Variants in HCRTR2 observed in about 807,000 individuals in gnomAD.
The protein encoded by HCRTR2 is hypocretin receptor 2.
HCRTR2 carries 22 observed loss-of-function variants against 49.0 expected under a neutral mutation model. The ratio of observed to expected loss-of-function variants is 0.45; its 90% CI spans 0.32 to 0.64. HCRTR2 has a LOEUF of 0.64. Ranked by LOEUF, HCRTR2 falls within the 30% of genes least tolerant of loss-of-function variation. The pLI, the probability that HCRTR2 is intolerant of heterozygous loss-of-function variation, is 0.04. For missense variants in HCRTR2, 491 were observed against 559.4 expected, an observed-to-expected ratio of 0.88 and a Z score of 1.23; for synonymous variants, 236 against 205.3, an observed-to-expected ratio of 1.15 and a Z score of -1.28.
chr6:55,187,810 T>G (rs1765248564), intron 1 of HCRTR2, among the ~76,000 whole-genome samples: 4 of 151,636 alleles, frequency 2.6e-5, no homozygotes, highest in African/African-American at 9.7e-5. Context: ...GAGTAAATGC[T>G]CTGTCTCCCA....
At chr6:55,217,437 C>T (rs1765808385) in intron 1 of HCRTR2, among the ~76,000 whole-genome samples, 1 of 152,036 alleles carries the variant, frequency 6.6e-6, no homozygotes, top group African/African-American at 2.4e-5. Context: ...ACCACACAGC[C>T]AAAAGTAGCC....
At chr6:55,122,169 A>G (rs997530775) in intron 1 of HCRTR2, among the ~76,000 whole-genome samples, 4 of 152,076 alleles carry the variant, frequency 2.6e-5, no homozygotes, top group East Asian at 1.9e-4. Flanking sequence ...CAGAGATTCA[A>G]CTTCTTCCTG....
chr6:55,132,134 T>C (rs1203468541), intron 1 of HCRTR2, among the ~76,000 whole-genome samples: 3 of 151,912 alleles, frequency 2.0e-5, no homozygotes, highest in Non-Finnish European at 4.4e-5. Flanking sequence ...TTTTATATTT[T>C]TGAATAAACA....
At chr6:55,231,055 A>G (rs1181771001) in intron 1 of HCRTR2, among the ~76,000 whole-genome samples, 1 of 152,164 alleles carries the variant, frequency 6.6e-6, no homozygotes, top group Non-Finnish European at 1.5e-5. Flanking sequence ...TCATTCAGAA[A>G]TATGGTTTAG....
At chr6:55,169,959 A>G (rs900754772), upstream of HCRTR2, among the ~76,000 whole-genome samples, 1 of 152,138 alleles carries the variant, frequency 6.6e-6, no homozygotes, top group African/African-American at 2.4e-5. Context: ...TTACACCTGC[A>G]AAAAAGATGA....
intron 1 of HCRTR2, among the ~76,000 whole-genome samples, chr6:55,158,490 G>A (rs6927515): frequency 0.44 from 66,433 of 151,936 alleles, 15,382 homozygotes; most frequent in East Asian, 0.78. Flanking sequence ...GCTGAAGCCA[G>A]GGAACCCAGT....
Position 55,263,829 on chromosome 6 carries a change from A to G in HCRTR2, c.762+7A>G, listed in dbSNP as rs1049445978. The G allele has an allele frequency of 1.3e-6, 2 of 1,517,792 alleles. No homozygotes were observed. Among genetic ancestry groups the G allele is most frequent in the Non-Finnish European group, 1.8e-6 (2 of 1,092,916 alleles). The allele number at this position is 1,517,792 out of a possible 1,614,324, so 94.0% of individuals were successfully genotyped here. A position where few individuals can be genotyped will look rare whatever the true frequency, so the allele number is the denominator to read the frequency against. On this transcript the variant is annotated splice_region_variant and intron_variant, in intron 4 of 6. Coordinates refer to ENST00000370862, the MANE Select transcript of HCRTR2 (RefSeq NM_001384272.1). The stretch of plus-strand genomic sequence containing the variant: ...CAAACTCTGGTGTCGACAGGTATAT[A>G]GTTTCAAATATTTTGCGTGCATTAT...
intron 4 of HCRTR2, among the ~76,000 whole-genome samples, chr6:55,273,242 T>G (rs1012919539): frequency 6.6e-6 from 1 of 151,700 alleles, no homozygotes; most frequent in Non-Finnish European, 1.5e-5. Context: ...AACAGGGAAA[T>G]GTAAGGGGAT....
intron 1 of HCRTR2, among the ~76,000 whole-genome samples, chr6:55,225,638 T>C (rs750200177): frequency 1.1e-4 from 16 of 152,220 alleles, no homozygotes; most frequent in Non-Finnish European, 1.9e-4. Context: ...ATCAAGTACC[T>C]GGTAATGCTA....
chr6:55,282,434 G>A lies in HCRTR2; in HGVS notation c.1315G>A (p.Gly439Arg). The A allele has an allele frequency of 1.3e-6, 2 of 1,592,954 alleles. No individual in the cohort carries two copies. The highest frequency in any genetic ancestry group is 1.7e-6 in the Non-Finnish European group (2 of 1,161,222). The change falls in exon 7 of 7, where the codon GGA (glycine) becomes AGA (arginine). Residue 439 changes from glycine to arginine, a missense_variant. Transcript: ENST00000370862. ...ISTLPAANGA[G>R]PLQNW is the part of the protein sequence containing the mutation. Reference sequence around the variant, plus strand: ...CACACTCCCAGCAGCCAATGGAGCAGGACCACTTCAAAACTGGTAGAATAT... The same window carrying A: ...CACACTCCCAGCAGCCAATGGAGCAAGACCACTTCAAAACTGGTAGAATAT...
intron 1 of HCRTR2, among the ~76,000 whole-genome samples, chr6:55,163,278 T>C (rs1764832397): frequency 6.6e-6 from 1 of 151,700 alleles, no homozygotes; most frequent in Non-Finnish European, 1.5e-5. Flanking sequence ...AAAACTACCT[T>C]AAATTTCTTA....
intron 1 of HCRTR2, among the ~76,000 whole-genome samples, chr6:55,215,995 A>T (rs1398678668): frequency 6.6e-6 from 1 of 152,202 alleles, no homozygotes; most frequent in African/African-American, 2.4e-5. Flanking sequence ...TTGCATCATA[A>T]CATGGCAGAA....
In HCRTR2 at chr6:55,282,561, A is replaced by AT; in HGVS notation, c.*108dup. On this transcript the variant is annotated 3_prime_UTR_variant, in exon 7 of 7. Transcript: ENST00000370862. ...GATGTGAAGCTAAAATTACTTGTGG[A>AT]TCTTTTTTTTTTTTAATCTATTGCT... 1.5e-6 allele frequency: 1 copy of AT among 682,558 alleles called. No homozygotes were observed. The highest frequency in any genetic ancestry group is 1.7e-5 in the South Asian group (1 of 59,240). The allele number at this position is 682,558 out of a possible 1,614,324, so 42.3% of individuals were successfully genotyped here.
chr6:55,144,267 C>A (rs1023755576), intron 1 of HCRTR2, among the ~76,000 whole-genome samples: 9 of 151,986 alleles, frequency 5.9e-5, no homozygotes, highest in Non-Finnish European at 1.2e-4. Context: ...CATGCGCCAC[C>A]ACGTCTGGCT....
intron 1 of HCRTR2, among the ~76,000 whole-genome samples, chr6:55,124,139 T>C (rs1764241652): frequency 6.6e-6 from 1 of 152,190 alleles, no homozygotes; most frequent in South Asian, 2.1e-4. Flanking sequence ...ATCTTAGTTA[T>C]TTCTTGTCTT....
chr6:55,268,308 A>AT (rs1766900395), intron 4 of HCRTR2, among the ~76,000 whole-genome samples: 1 of 152,260 alleles, frequency 6.6e-6, no homozygotes, highest in African/African-American at 2.4e-5. Context: ...TACAATATAT[A>AT]TAAGTCACAA....
chr6:55,269,568 A>T lies in HCRTR2; in HGVS notation c.762+5746A>T, dbSNP rs111359416. 6.5e-3 allele frequency among the ~76,000 whole-genome samples: 986 copies of T among 152,334 alleles called. 8 individuals carry two copies. Among genetic ancestry groups the T allele is most frequent in the African/African-American group, 0.022 (909 of 41,578 alleles). On this transcript the variant is annotated intron_variant, in intron 4 of 6. Transcript: ENST00000370862. The stretch of plus-strand genomic sequence containing the variant: ...AAAATCAATTTCATTTTTATACATT[A>T]GCAAATAAAAATTTAAAATGAAATT...
At chr6:55,244,949 T>G (rs148088832) in intron 1 of HCRTR2, among the ~76,000 whole-genome samples, 1 of 152,214 alleles carries the variant, frequency 6.6e-6, no homozygotes, top group Non-Finnish European at 1.5e-5. Flanking sequence ...TTTGTTGAGT[T>G]TGTTGAAGAT....
chr6:55,267,115 A>C (rs1385156341), intron 4 of HCRTR2, among the ~76,000 whole-genome samples: 1 of 152,142 alleles, frequency 6.6e-6, no homozygotes, highest in Non-Finnish European at 1.5e-5. Flanking sequence ...ATTACATAGA[A>C]TTCTGCTTGA....
Sources: allele counts gnomAD v4.1 joint callset (sites outside exome capture counted in the v4.1 genomes callset), GRCh38; gene constraint gnomAD v4.1.1; transcripts MANE v1.5; gene names NCBI Gene and HGNC (gene_info 2026-07-23, HGNC 2026-07-21).